FRMPD4: variants seen among roughly 807,000 people sequenced by gnomAD.
FRMPD4 encodes FERM and PDZ domain-containing protein 4.
FRMPD4 carries 22 observed loss-of-function variants against 94.1 expected under a neutral mutation model. The ratio of observed to expected loss-of-function variants is 0.23; its 90% CI spans 0.17 to 0.33. The LOEUF (loss-of-function observed/expected upper bound fraction) is 0.33, where lower values mean the gene tolerates loss of function less well. Among genes scored for constraint, FRMPD4 ranks in the 10% least tolerant of loss-of-function variants. The pLI is 1.00. For missense variants in FRMPD4, 1,111 were observed against 1,339.9 expected (o/e 0.83, Z 2.67); for synonymous variants, 631 against 548.6 (o/e 1.15, Z -2.10).
At chrX:12,442,412 A>G (rs1267396597) in intron 1 of FRMPD4, among the ~76,000 whole-genome samples, 1 of 111,436 alleles carries the variant, frequency 9.0e-6, no homozygotes, top group Non-Finnish European at 1.9e-5. Context: ...GGATGCAAGT[A>G]ATGCAGCCAA....
chrX:12,006,658 C>T (rs772680708), intron 3 of FRMPD4, among the ~76,000 whole-genome samples: 1 of 112,268 alleles, frequency 8.9e-6, no homozygotes, highest in Admixed American at 9.4e-5. Flanking sequence ...TCCAGACTCC[C>T]TCCTTCTCCA....
chrX:12,666,235 C>T (rs1426933160), intron 4 of FRMPD4, among the ~76,000 whole-genome samples: 1 of 111,367 alleles, frequency 9.0e-6, no homozygotes, highest in Non-Finnish European at 1.9e-5. Flanking sequence ...GCTAACTATC[C>T]TAAATATATA....
At chrX:12,264,538 A>G (rs923752582) in intron 1 of FRMPD4, among the ~76,000 whole-genome samples, 3 of 112,310 alleles carry the variant, frequency 2.7e-5, no homozygotes, top group Admixed American at 9.4e-5. Context: ...GTCTAAAAAT[A>G]CTGTATGATA....
chrX:12,407,272 A>G (rs2056677521), intron 1 of FRMPD4, among the ~76,000 whole-genome samples: 1 of 112,061 alleles, frequency 8.9e-6, no homozygotes. Flanking sequence ...TCTGCCTATC[A>G]CAGCTTGAAA....
At chrX:12,348,397 T>C (rs1235251378) in intron 1 of FRMPD4, among the ~76,000 whole-genome samples, 3 of 111,312 alleles carry the variant, frequency 2.7e-5, no homozygotes, top group African/African-American at 9.8e-5. Context: ...AGGATGAGGC[T>C]GCTTTGTGAT....
At chrX:11,950,055 G>A (rs887756513) in intron 3 of FRMPD4, among the ~76,000 whole-genome samples, 15 of 111,492 alleles carry the variant, frequency 1.3e-4, no homozygotes, top group African/African-American at 4.9e-4. Flanking sequence ...TAATCCCCAC[G>A]TGTCAAGGGT....
At chrX:12,157,284 G>A (rs1255777600) in intron 1 of FRMPD4, among the ~76,000 whole-genome samples, 12 of 111,952 alleles carry the variant, frequency 1.1e-4, no homozygotes. Context: ...TGAAAAACAC[G>A]AGGGTTGTGG....
chrX:12,612,123 GAAT>G (rs2148421386), intron 3 of FRMPD4, among the ~76,000 whole-genome samples: 1 of 111,297 alleles, frequency 9.0e-6, no homozygotes, highest in African/African-American at 3.3e-5. Context: ...TTCCTAAATG[GAAT>G]AATATTTGGC....
intron 3 of FRMPD4, among the ~76,000 whole-genome samples, chrX:12,107,779 A>G (rs2055313531): frequency 8.9e-6 from 1 of 112,133 alleles, no homozygotes; most frequent in Non-Finnish European, 1.9e-5. Flanking sequence ...ACGAATGCAC[A>G]AGCTTCAGTA....
intron 1 of FRMPD4, among the ~76,000 whole-genome samples, chrX:12,314,735 C>G (rs2055087527): frequency 9.0e-6 from 1 of 110,777 alleles, no homozygotes; most frequent in African/African-American, 3.3e-5. Flanking sequence ...CTCTTTCTCC[C>G]TCCTGAATGT....
rs182240898 is a variant in FRMPD4 at position 12,676,122 on chromosome X, A to G, written c.468+1214A>G. The stretch of plus-strand genomic sequence containing the variant: ...CATACACATACATTGGGATTTGAAA[A>G]CTAAGGAGGCCCCAGGATGTTAGAG... On this transcript the variant is annotated intron_variant, in intron 5 of 16. Coordinates refer to ENST00000675598, the MANE Select transcript of FRMPD4 (RefSeq NM_001368397.1). 5.3e-5 allele frequency among the ~76,000 whole-genome samples: 6 copies of G among 112,181 alleles called. No homozygotes were observed. The East Asian group carries it at 1.7e-3, about 31-fold the overall frequency.
chrX:12,016,796 A>G lies in FRMPD4; in HGVS notation c.95+138778A>G, dbSNP rs148485643. ...CCTCTCCCGACTCCATTTCTTCCTCAGGAGAGATTTTCCCAAATGACGCCA... is the reference window on the plus strand; with the variant it reads ...CCTCTCCCGACTCCATTTCTTCCTCGGGAGAGATTTTCCCAAATGACGCCA... On this transcript the variant is annotated intron_variant, in intron 3 of 18. Coordinates refer to the FRMPD4 transcript ENST00000640291. Among the ~76,000 whole-genome samples the G allele has an allele frequency of 7.4e-3, 823 of 111,972 alleles. 5 individuals are homozygous for G. Among genetic ancestry groups the G allele is most frequent in the African/African-American group, 0.026 (793 of 30,793 alleles).
intron 2 of FRMPD4, among the ~76,000 whole-genome samples, chrX:12,509,939 A>G (rs1169239444): frequency 3.6e-5 from 4 of 111,780 alleles, no homozygotes; most frequent in African/African-American, 1.3e-4. Context: ...ATAATAAAGC[A>G]CAGAAATAAG....
chrX:12,378,649 G>A (rs1232682627), intron 1 of FRMPD4, among the ~76,000 whole-genome samples: 3 of 112,284 alleles, frequency 2.7e-5, no homozygotes, highest in African/African-American at 6.5e-5. Context: ...GAGATTGCAC[G>A]GAGAAAGAGG....
intron 3 of FRMPD4, among the ~76,000 whole-genome samples, chrX:11,950,069 A>G (rs1240832466): frequency 1.8e-5 from 2 of 111,302 alleles, no homozygotes; most frequent in Non-Finnish European, 3.8e-5. Context: ...CAAGGGTAAG[A>G]CCAGGTGGAG....
chrX:11,967,754 G>GT (rs1555915227), intron 3 of FRMPD4, among the ~76,000 whole-genome samples: 4 of 73,812 alleles, frequency 5.4e-5, no homozygotes, highest in South Asian at 7.9e-4. Context: ...GTGTGTGTGT[G>GT]TGTTTTTTTT....
At chrX:12,046,766 A>G (rs2054787837) in intron 3 of FRMPD4, among the ~76,000 whole-genome samples, 1 of 112,179 alleles carries the variant, frequency 8.9e-6, no homozygotes, top group Non-Finnish European at 1.9e-5. Flanking sequence ...GTGTTCAGCT[A>G]TCTGGAAGTT....
In FRMPD4 at chrX:12,566,004, G is replaced by T. The variant is rs141740135; in HGVS notation, c.159-43717G>T. Among the ~76,000 whole-genome samples the T allele has an allele frequency of 9.5e-3, 1,057 of 111,531 alleles. 5 individuals are homozygous for T. The highest frequency in any genetic ancestry group is 0.033 in the African/African-American group (1,000 of 30,651). ...AGGGCCGGGCACTGAACAATTAGTG[G>T]TAATGATGATGAATTGGTGGCAGGA... On this transcript the variant is annotated intron_variant, in intron 2 of 16. Coordinates refer to ENST00000675598, the MANE Select transcript of FRMPD4 (RefSeq NM_001368397.1).
chrX:12,124,841 T>C (rs1008367132), intron 3 of FRMPD4, among the ~76,000 whole-genome samples: 2 of 111,686 alleles, frequency 1.8e-5, no homozygotes, highest in African/African-American at 3.3e-5. Context: ...CACAGCAACT[T>C]GTACAGTGCC....
Sources: gnomAD v4.1 joint callset for allele counts (sites outside exome capture counted in the v4.1 genomes callset) on GRCh38, gnomAD v4.1.1 for gene constraint, MANE v1.5 for transcripts, NCBI Gene and HGNC (gene_info 2026-07-23, HGNC 2026-07-21) for gene names.